Variants in KDM4C observed in about 807,000 individuals in gnomAD.
KDM4C encodes lysine demethylase 4C, also known as lysine-specific demethylase 4C.
In KDM4C, 81 loss-of-function variants were observed where a neutral mutation model predicts 129.3. The ratio of observed to expected loss-of-function variants is 0.63; its 90% CI spans 0.52 to 0.75. The LOEUF is 0.75. Among genes scored for constraint, KDM4C ranks in the 30% least tolerant of loss-of-function variants. The pLI is 0.00. For synonymous variants in KDM4C, 573 were observed against 456.1 expected (o/e 1.26, Z -3.26); for missense variants, 1,457 against 1,304.0 (o/e 1.12, Z -1.81).
intron 1 of KDM4C, among the ~76,000 whole-genome samples, chr9:6,792,106 A>G (rs1453537681): frequency 6.6e-6 from 1 of 152,106 alleles, no homozygotes; most frequent in African/African-American, 2.4e-5. Flanking sequence ...TTTGGGAGGC[A>G]GAGGCTGGCG....
intron 17 of KDM4C, among the ~76,000 whole-genome samples, chr9:7,062,533 T>G (rs1409046644): frequency 6.6e-6 from 1 of 152,076 alleles, no homozygotes; most frequent in Non-Finnish European, 1.5e-5. Context: ...GAATACAGGT[T>G]TGCACTACTA....
chr9:6,988,058 G>A (rs1184142312), intron 11 of KDM4C, among the ~76,000 whole-genome samples: 1 of 149,018 alleles, frequency 6.7e-6, no homozygotes, highest in African/African-American at 2.5e-5. Context: ...GGGAGGCTAA[G>A]GTAGGAGGAT....
chr9:7,144,943 A>G (rs911369086), intron 19 of KDM4C, among the ~76,000 whole-genome samples: 11 of 152,182 alleles, frequency 7.2e-5, no homozygotes, highest in Non-Finnish European at 1.5e-5. Context: ...AAGCTTTGTG[A>G]AAGCTTTTTC....
chr9:7,079,255 C>T (rs994880071), intron 17 of KDM4C, among the ~76,000 whole-genome samples: 2 of 152,106 alleles, frequency 1.3e-5, no homozygotes, highest in African/African-American at 2.4e-5. Flanking sequence ...GTGCCAAAGG[C>T]CAAAATGAGT....
chr9:7,114,457 C>T (rs1389950324), intron 18 of KDM4C, among the ~76,000 whole-genome samples: 3 of 152,188 alleles, frequency 2.0e-5, no homozygotes, highest in African/African-American at 7.2e-5. Flanking sequence ...TGAATAATCA[C>T]AGCAATGTAT....
intron 17 of KDM4C, among the ~76,000 whole-genome samples, chr9:7,093,616 T>A (rs1227386725): frequency 1.3e-5 from 2 of 152,170 alleles, no homozygotes; most frequent in African/African-American, 4.8e-5. Flanking sequence ...CTTTGGCAGT[T>A]TTTGGTAAAG....
chr9:7,007,376 A>G (rs1432318066), intron 12 of KDM4C, among the ~76,000 whole-genome samples: 1 of 152,218 alleles, frequency 6.6e-6, no homozygotes, highest in Non-Finnish European at 1.5e-5. Context: ...GGAAGAAAAA[A>G]ATGAAGTGCT....
At chr9:6,835,710 C>T in intron 4 of KDM4C, 1 of 656,294 alleles carries the variant, frequency 1.5e-6, no homozygotes, top group South Asian at 1.8e-5. Flanking sequence ...TGGCTTGACT[C>T]AGGATTTAAA....
At chr9:7,137,738 T>C (rs1244780256) in intron 19 of KDM4C, among the ~76,000 whole-genome samples, 1 of 152,228 alleles carries the variant, frequency 6.6e-6, no homozygotes, top group East Asian at 1.9e-4. Context: ...GAGCTGCCTG[T>C]TTACAAGCCA....
chr9:6,744,028 G>T (rs1193055137), intron 1 of KDM4C, among the ~76,000 whole-genome samples: 3 of 143,556 alleles, frequency 2.1e-5, no homozygotes, highest in African/African-American at 5.1e-5. Flanking sequence ...GATTACAGGT[G>T]TGAGACACCA....
intron 1 of KDM4C, among the ~76,000 whole-genome samples, chr9:6,742,787 T>C (rs1456406776): frequency 6.6e-6 from 1 of 151,826 alleles, no homozygotes; most frequent in Non-Finnish European, 1.5e-5. Context: ...AAGGCCCTCC[T>C]TGAGGCTCCC....
At chr9:7,033,944 G>T (rs1704001416) in intron 15 of KDM4C, among the ~76,000 whole-genome samples, 1 of 152,008 alleles carries the variant, frequency 6.6e-6, no homozygotes, top group African/African-American at 2.4e-5. Flanking sequence ...TGGAAAAACT[G>T]CAGTGCAGGC....
At chr9:6,861,778 CT>C (rs747405487) in intron 5 of KDM4C, among the ~76,000 whole-genome samples, 37 of 147,890 alleles carry the variant, frequency 2.5e-4, no homozygotes, top group South Asian at 6.4e-4. Context: ...TTCTTTCTTT[CT>C]TTTTTTTTTT....
intron 7 of KDM4C, among the ~76,000 whole-genome samples, chr9:6,891,349 A>G (rs1846089981): frequency 6.6e-6 from 1 of 152,264 alleles, no homozygotes; most frequent in Non-Finnish European, 1.5e-5. Flanking sequence ...AAGTACTGGC[A>G]CATGCTACAA....
At chr9:6,928,121 G>A (rs1410367564) in intron 8 of KDM4C, among the ~76,000 whole-genome samples, 1 of 152,148 alleles carries the variant, frequency 6.6e-6, no homozygotes, top group East Asian at 1.9e-4. Flanking sequence ...TCGTCTCTAG[G>A]CCAAAACCAG....
intron 19 of KDM4C, among the ~76,000 whole-genome samples, chr9:7,139,604 G>C (rs761692038): frequency 3.9e-5 from 6 of 152,116 alleles, no homozygotes; most frequent in Non-Finnish European, 8.8e-5. Flanking sequence ...CTTAGACCAG[G>C]CTGCAAGTGG....
At chr9:6,728,480 A>C (rs2988408) in intron 1 of KDM4C, among the ~76,000 whole-genome samples, 1 of 151,242 alleles carries the variant, frequency 6.6e-6, no homozygotes, top group East Asian at 2.0e-4. Context: ...GTTTCAGTGA[A>C]CTGAGATCAC....
chr9:6,814,681 G>A lies in KDM4C; in HGVS notation c.371G>A (p.Trp124Ter). 6.2e-7 allele frequency: 1 copy of A among 1,611,356 alleles called. No individual in the cohort carries two copies. Residue 124 changes from tryptophan to a stop codon, truncating the protein, a stop_gained, in exon 4 of 22, where the codon TGG becomes TAG. Coordinates refer to ENST00000381309, the MANE Select transcript of KDM4C (RefSeq NM_015061.6). LOFTEE classifies it high-confidence loss of function. Reference sequence around the variant, plus strand: ...TACGAAGATTTGGAGCGCAAGTACTGGAAGAACTTAACTTTTGTGGCACCT... The same window carrying A: ...TACGAAGATTTGGAGCGCAAGTACTAGAAGAACTTAACTTTTGTGGCACCT... ...LDYEDLERKY[W>*]KNLTFVAPIY...
rs1233610471 is a variant in KDM4C, at chr9:7,008,618, AC to A, written c.1787-3079del. On this transcript the variant is annotated intron_variant, in intron 12 of 21. Transcript: ENST00000381309. ...ACTCCCACAGACCAAACATCCAGGA[AC>A]ATCCCTGTGGATGCAGTTGACAGGA... Among the ~76,000 whole-genome samples, 5 of 152,318 alleles carry A rather than the reference AC, an allele frequency of 3.3e-5. No homozygotes were observed. The East Asian group carries it at 9.6e-4, about 29-fold the overall frequency.
Sources: allele counts gnomAD v4.1 joint callset (sites outside exome capture counted in the v4.1 genomes callset), GRCh38; gene constraint gnomAD v4.1.1; transcripts MANE v1.5; gene names NCBI Gene and HGNC (gene_info 2026-07-23, HGNC 2026-07-21).